The following BAZ2B variants were observed in gnomAD, a reference collection of about 807,000 sequenced individuals.
The protein encoded by BAZ2B is bromodomain adjacent to zinc finger domain 2B, also known as bromodomain adjacent to zinc finger domain protein 2B.
BAZ2B carries 91 observed loss-of-function variants against 246.0 expected under a neutral mutation model. The ratio of observed to expected loss-of-function variants is 0.37; its 90% CI spans 0.31 to 0.44. The LOEUF is 0.44. Among genes scored for constraint, BAZ2B ranks in the 20% least tolerant of loss-of-function variants. The probability of loss-of-function intolerance (pLI) is 1.00; values close to 1 mark genes in which losing one functional copy is unlikely to be tolerated. For missense variants in BAZ2B, 2,332 were observed against 2,533.7 expected, an observed-to-expected ratio of 0.92 and a Z score of 1.71; for synonymous variants, 855 against 860.0, an observed-to-expected ratio of 0.99 and a Z score of 0.10.
At chr2:159,647,263 G>T in the BAZ2B span, among the ~76,000 whole-genome samples, 1 of 152,286 alleles carries the variant, frequency 6.6e-6, no homozygotes, top group African/African-American at 2.4e-5. Flanking sequence ...GGAAACCCAG[G>T]AGAGACAATA....
At chr2:159,518,520 C>G (rs2083687429) in intron 2 of BAZ2B, among the ~76,000 whole-genome samples, 1 of 152,010 alleles carries the variant, frequency 6.6e-6, no homozygotes, top group African/African-American at 2.4e-5. Flanking sequence ...GAACTATGTG[C>G]AAAATGAGGT....
intron 6 of BAZ2B, among the ~76,000 whole-genome samples, chr2:159,446,021 G>A (rs1014455419): frequency 1.6e-4 from 24 of 152,136 alleles, no homozygotes; most frequent in Non-Finnish European, 2.2e-4. Flanking sequence ...AGCTAAGGTG[G>A]GAGGATAACT....
intron 4 of BAZ2B, among the ~76,000 whole-genome samples, chr2:159,452,886 G>C (rs182913345): frequency 5.3e-4 from 81 of 152,298 alleles, no homozygotes; most frequent in African/African-American, 1.7e-3. Context: ...GATCACTTGA[G>C]GTCAGGAGTT....
rs1356064501 is a variant in BAZ2B at position 159,469,047 on chromosome 2, C to G, written c.145+9528G>C. Among the ~76,000 whole-genome samples the G allele has an allele frequency of 3.6e-5, 4 of 112,364 alleles. No homozygotes were observed. In the East Asian group the frequency reaches 1.1e-3, roughly 30 times the overall value. 73.7% of individuals were successfully genotyped at this position (112,364 alleles called of 152,430 possible). On this transcript the variant is annotated intron_variant, in intron 3 of 36. Coordinates refer to ENST00000392783, the MANE Select transcript of BAZ2B (RefSeq NM_013450.4). ...CCCAGGCGTTAGTTCAAGACTCTGT[C>G]TCAAAAAAAAAAAAAAAAAAGTAGG...
the BAZ2B span, among the ~76,000 whole-genome samples, chr2:159,627,404 A>G: frequency 1.3e-5 from 2 of 152,144 alleles, no homozygotes; most frequent in African/African-American, 4.8e-5. Context: ...ATGAACATCA[A>G]TGTGAAAATT....
chr2:159,499,776 T>C (rs1295409708), intron 2 of BAZ2B, among the ~76,000 whole-genome samples: 1 of 152,260 alleles, frequency 6.6e-6, no homozygotes, highest in African/African-American at 2.4e-5. Context: ...TGATCAGTGA[T>C]GTTGAGCTTT....
Position 159,320,411 on chromosome 2 carries a change from T to C in BAZ2B, c.6361A>G (p.Asn2121Asp), listed in dbSNP as rs2062568752. Reference sequence around the variant, plus strand: ...ACATCTAGAGCAAAGGTTTCAAGGTTTGGATACCTGAAAGAAAACAAATAA... The same window carrying C: ...ACATCTAGAGCAAAGGTTTCAAGGTCTGGATACCTGAAAGAAAACAAATAA... ...REKLSSGQYP[N>D]LETFALDVRL... Residue 2121 changes from asparagine (N) to aspartate (D), a missense_variant, in exon 37 of 37, where the codon AAC becomes GAC. Physicochemically the swap from Asn to Asp is conservative, Grantham distance 23. This residue lies in a region of BAZ2B where 210 missense variants were observed against 232.5 expected (regional missense o/e 0.90). Transcript: ENST00000392783. 18 of 1,562,096 alleles carry C rather than the reference T, an allele frequency of 1.2e-5. No individual in the cohort carries two copies. Among genetic ancestry groups the C allele is most frequent in the Non-Finnish European group, 1.5e-5 (18 of 1,164,578 alleles).
chr2:159,437,916 CA>C (rs35619012), intron 8 of BAZ2B: 52,525 of 140,392 alleles, frequency 0.37, 9,495 homozygotes, highest in Non-Finnish European at 0.48. Flanking sequence ...GACCCTGCCT[CA>C]AAAAAAAAAA....
intron 34 of BAZ2B, among the ~76,000 whole-genome samples, chr2:159,330,300 C>T (rs1186405045): frequency 6.6e-6 from 1 of 152,076 alleles, no homozygotes; most frequent in African/African-American, 2.4e-5. Context: ...AAAAGCACTC[C>T]CATGTTTACA....
chr2:159,344,582 G>A (rs1453748169), intron 31 of BAZ2B, among the ~76,000 whole-genome samples: 1 of 151,420 alleles, frequency 6.6e-6, no homozygotes, highest in Non-Finnish European at 1.5e-5. Flanking sequence ...GATGTTTACT[G>A]CGGCACTATA....
the BAZ2B span, among the ~76,000 whole-genome samples, chr2:159,658,949 T>A: frequency 6.6e-6 from 1 of 152,198 alleles, no homozygotes; most frequent in Non-Finnish European, 1.5e-5. Flanking sequence ...CCATTGTGGC[T>A]GGCCTTAGCT....
intron 15 of BAZ2B, 23 bp from the exon 16 acceptor site, chr2:159,404,933 T>C (rs747780918): frequency 5.0e-6 from 8 of 1,612,994 alleles, no homozygotes; most frequent in Non-Finnish European, 6.8e-6. Flanking sequence ...AAAGGATAGA[T>C]ATCATCAAAA....
chr2:159,364,679 A>G (rs1460492023), intron 27 of BAZ2B, among the ~76,000 whole-genome samples: 1 of 152,118 alleles, frequency 6.6e-6, no homozygotes, highest in Non-Finnish European at 1.5e-5. Flanking sequence ...CCTTAGTTAG[A>G]CATTTTTTGT....
intron 2 of BAZ2B, among the ~76,000 whole-genome samples, chr2:159,484,516 T>C (rs2079603372): frequency 6.6e-6 from 1 of 152,198 alleles, no homozygotes; most frequent in Non-Finnish European, 1.5e-5. Flanking sequence ...TCTATAACAA[T>C]TCTGAGCGCA....
chr2:159,563,213 C>T (rs889763475), intron 1 of BAZ2B, among the ~76,000 whole-genome samples: 10 of 151,960 alleles, frequency 6.6e-5, no homozygotes, highest in Non-Finnish European at 1.0e-4. Flanking sequence ...TTGGTTTTTC[C>T]TAGAACATAG....
chr2:159,648,114 T>C, the BAZ2B span, among the ~76,000 whole-genome samples: 80,908 of 151,810 alleles, frequency 0.53, 22,019 homozygotes, highest in Admixed American at 0.66. Flanking sequence ...TCTTGCCCTC[T>C]CCCACTATTT....
chr2:159,368,858 T>TAAAA (rs58161936), intron 27 of BAZ2B, among the ~76,000 whole-genome samples: 1 of 123,862 alleles, frequency 8.1e-6, no homozygotes, highest in African/African-American at 3.4e-5. Flanking sequence ...CTGAAAGGCC[T>TAAAA]AAAAAAAAAA....
At chr2:159,644,082 G>A in the BAZ2B span, among the ~76,000 whole-genome samples, 1 of 152,094 alleles carries the variant, frequency 6.6e-6, no homozygotes, top group Non-Finnish European at 1.5e-5. Context: ...GCACTACAGA[G>A]CAAGACCCCA....
intron 30 of BAZ2B, among the ~76,000 whole-genome samples, chr2:159,348,207 C>A (rs986155129): frequency 6.6e-6 from 1 of 150,658 alleles, no homozygotes; most frequent in African/African-American, 2.4e-5. Context: ...GTAGTCCCAG[C>A]TACTCAGAAG....
Sources: allele counts gnomAD v4.1 joint callset (sites outside exome capture counted in the v4.1 genomes callset), GRCh38; gene constraint gnomAD v4.1.1; regional missense constraint gnomAD v4.1.1; transcripts MANE v1.5; gene names NCBI Gene and HGNC (gene_info 2026-07-23, HGNC 2026-07-21).